The following POC1A variants were observed in gnomAD, a reference collection of about 807,000 sequenced individuals.
POC1A encodes POC1 centriolar protein homolog A.
POC1A carries 34 observed loss-of-function variants against 47.8 expected under a neutral mutation model. That is an observed-to-expected ratio of 0.71 (90% CI 0.54 to 0.95). POC1A has a LOEUF of 0.95. Among genes scored for constraint, POC1A ranks in the 40% least tolerant of loss-of-function variants. POC1A has a pLI of 0.00. For synonymous variants in POC1A, 177 were observed against 207.6 expected, an observed-to-expected ratio of 0.85 and a Z score of 1.27; for missense variants, 466 against 528.3, an observed-to-expected ratio of 0.88 and a Z score of 1.16.
chr3:52,121,160 C>T (rs576540309), intron 9 of POC1A, among the ~76,000 whole-genome samples: 3 of 152,246 alleles, frequency 2.0e-5, no homozygotes, highest in Admixed American at 6.5e-5. Flanking sequence ...AACAGGGTAG[C>T]GAGCATAAAA....
At chr3:52,127,953 C>T (rs1463359908) in intron 7 of POC1A, among the ~76,000 whole-genome samples, 5 of 152,170 alleles carry the variant, frequency 3.3e-5, no homozygotes. Context: ...TCCTCAGCCT[C>T]CTAAAATGCT....
At chr3:52,106,180 C>CAAAAAAAAAA (rs11350232) in intron 9 of POC1A, among the ~76,000 whole-genome samples, 1 of 73,576 alleles carries the variant, frequency 1.4e-5, no homozygotes, top group Non-Finnish European at 2.7e-5. Context: ...GACTACGTCT[C>CAAAAAAAAAA]AAAAAAAAAA....
intron 3 of POC1A, 121 bp from the exon 4 acceptor site, chr3:52,149,510 C>A: frequency 1.2e-6 from 1 of 860,992 alleles, no homozygotes; most frequent in African/African-American, 1.7e-5. Flanking sequence ...CCCGAGTACC[C>A]CAGTCTCCAC....
chr3:52,109,257 T>C (rs533836347), intron 9 of POC1A, among the ~76,000 whole-genome samples: 1 of 152,188 alleles, frequency 6.6e-6, no homozygotes, highest in East Asian at 1.9e-4. Context: ...GCACTGCTAT[T>C]ATATAACTAA....
At chr3:52,121,929 A>G (rs1024187081) in intron 9 of POC1A, among the ~76,000 whole-genome samples, 1 of 152,102 alleles carries the variant, frequency 6.6e-6, no homozygotes, top group Admixed American at 6.6e-5. Context: ...CTTCCTCTCC[A>G]TGGTTAGAAA....
chr3:52,099,424 TG>T (rs1229000966), intron 9 of POC1A, among the ~76,000 whole-genome samples: 2 of 152,152 alleles, frequency 1.3e-5, no homozygotes, highest in African/African-American at 4.8e-5. Context: ...ACCAGAGCCA[TG>T]AGTAATGACA....
At chr3:52,143,506 C>T (rs1698266157) in intron 6 of POC1A, among the ~76,000 whole-genome samples, 1 of 152,124 alleles carries the variant, frequency 6.6e-6, no homozygotes, top group South Asian at 2.1e-4. Flanking sequence ...GGGTTCATAC[C>T]TCTCACTCTG....
Position 52,149,983 on chromosome 3 carries a change from A to C in POC1A, c.108T>G (p.Ser36Arg). ...CCATGAGGCATGAGTCCATGGAGCCACTGGCTGAGGACAGTGGGTGATGCT... is the reference window on the plus strand; with the variant it reads ...CCATGAGGCATGAGTCCATGGAGCCCCTGGCTGAGGACAGTGGGTGATGCT... The part of the protein sequence containing the change: ...DFSINTKQLA[S>R]GSMDSCLMVW... Residue 36 changes from serine to arginine, a missense_variant, in exon 3 of 11, where the codon AGT (serine) becomes AGG (arginine). Physicochemically the swap from Ser to Arg is moderately radical, Grantham distance 110. Transcript: ENST00000296484. The C allele has an allele frequency of 1.2e-6, 2 of 1,613,108 alleles. No homozygotes were observed. Among genetic ancestry groups the C allele is most frequent in the Non-Finnish European group, 1.7e-6 (2 of 1,179,678 alleles).
Position 52,136,751 on chromosome 3 carries a change from G to A in POC1A, c.813+1418C>T, listed in dbSNP as rs143924267. On this transcript the variant is annotated intron_variant, in intron 7 of 10. Coordinates refer to ENST00000296484, the MANE Select transcript of POC1A (RefSeq NM_015426.5). ...CGCCATGGTCCTTGCTTCACTTCCC[G>A]GAGAGAACAATGTCAATAGCTTTCG... Among the ~76,000 whole-genome samples, 1,338 of 152,284 alleles carry A rather than the reference G, an allele frequency of 8.8e-3. 12 individuals are homozygous for A. Among genetic ancestry groups the A allele is most frequent in the Non-Finnish European group, 0.014 (965 of 68,034 alleles).
At chr3:52,131,840 C>G (rs1704225051) in intron 7 of POC1A, among the ~76,000 whole-genome samples, 2 of 152,124 alleles carry the variant, frequency 1.3e-5, no homozygotes, top group African/African-American at 4.8e-5. Context: ...CGAAGGTGCA[C>G]AGGAGAGGAA....
At chr3:52,126,973 G>A (rs184270045) in intron 7 of POC1A, among the ~76,000 whole-genome samples, 2 of 152,274 alleles carry the variant, frequency 1.3e-5, no homozygotes, top group African/African-American at 2.4e-5. Context: ...CCCTTCCTAA[G>A]GGTGCCATGT....
At chr3:52,089,933 G>A (rs1342497360) in intron 10 of POC1A, among the ~76,000 whole-genome samples, 6 of 135,002 alleles carry the variant, frequency 4.4e-5, no homozygotes, top group Non-Finnish European at 9.2e-5. Context: ...TGAGCAGCCC[G>A]TCAAATAGGA....
chr3:52,138,109 G>T, intron 7 of POC1A, 60 bp downstream of exon 7: 14 of 1,587,420 alleles, frequency 8.8e-6, no homozygotes, highest in Non-Finnish European at 1.2e-5. Context: ...CTTGCCCACT[G>T]CCCAGACAGT....
Position 52,090,542 on chromosome 3 carries a change from G to A in POC1A, c.1125+6027C>T, listed in dbSNP as rs976683377. Among the ~76,000 whole-genome samples, 1 of 152,154 alleles carries A rather than the reference G, an allele frequency of 6.6e-6. No homozygotes were observed. The highest frequency in any genetic ancestry group is 2.4e-5 in the African/African-American group (1 of 41,432). On this transcript the variant is annotated intron_variant, in intron 10 of 10. Coordinates refer to ENST00000296484, the MANE Select transcript of POC1A (RefSeq NM_015426.5). The surrounding 1 kb of genome is among the most constrained non-coding windows in gnomAD (Gnocchi z 4.2). ...TTACTCCTGAGGGCAGCTGAGCACTGTGCAGCAGCCCTCTGGCCTCTTGAG... is the reference window on the plus strand; with the variant it reads ...TTACTCCTGAGGGCAGCTGAGCACTATGCAGCAGCCCTCTGGCCTCTTGAG...
intron 7 of POC1A, among the ~76,000 whole-genome samples, chr3:52,131,111 A>T (rs895684349): frequency 6.6e-6 from 1 of 152,134 alleles, no homozygotes; most frequent in African/African-American, 2.4e-5. Flanking sequence ...CAAATACCAG[A>T]TTTAACTCCC....
At chr3:52,134,413 C>G (rs565966946) in intron 7 of POC1A, among the ~76,000 whole-genome samples, 1 of 152,222 alleles carries the variant, frequency 6.6e-6, no homozygotes, top group East Asian at 1.9e-4. Context: ...AGGTGGATCA[C>G]CTGAGGTCAG....
At chr3:52,109,293 A>T (rs1703298058) in intron 9 of POC1A, among the ~76,000 whole-genome samples, 1 of 152,160 alleles carries the variant, frequency 6.6e-6, no homozygotes, top group African/African-American at 2.4e-5. Context: ...GGAGTAAAAA[A>T]TGATATATCT....
At chr3:52,121,320 T>G (rs1223156432) in intron 9 of POC1A, among the ~76,000 whole-genome samples, 11 of 152,100 alleles carry the variant, frequency 7.2e-5, no homozygotes, top group Non-Finnish European at 4.4e-5. Context: ...CAGCAAGCAG[T>G]GCATCATGCA....
At chr3:52,116,603 C>T (rs1206014620) in intron 9 of POC1A, among the ~76,000 whole-genome samples, 1 of 152,156 alleles carries the variant, frequency 6.6e-6, no homozygotes, top group Non-Finnish European at 1.5e-5. Flanking sequence ...CCTCACTGGC[C>T]CTCACTACGA....
Sources: gnomAD v4.1 joint callset for allele counts (sites outside exome capture counted in the v4.1 genomes callset) on GRCh38, gnomAD v4.1.1 for gene constraint, Gnocchi (gnomAD v3.1) non-coding constraint, MANE v1.5 for transcripts, NCBI Gene and HGNC (gene_info 2026-07-23, HGNC 2026-07-21) for gene names.